Variants in POU2F2 observed in about 807,000 individuals in gnomAD.
POU2F2 encodes the protein POU domain, class 2, transcription factor 2.
POU2F2 carries 14 observed loss-of-function variants against 63.5 expected under a neutral mutation model. The ratio of observed to expected loss-of-function variants is 0.22; its 90% CI spans 0.15 to 0.34. The LOEUF is 0.34. Ranked by LOEUF, POU2F2 falls within the 10% of genes least tolerant of loss-of-function variation. The pLI, the probability that POU2F2 is intolerant of heterozygous loss-of-function variation, is 1.00. For missense variants in POU2F2, 607 were observed against 815.2 expected (o/e 0.74, Z 3.11); for synonymous variants, 306 against 348.6 (o/e 0.88, Z 1.36).
chr19:42,107,073 T>G (rs2030207414), intron 5 of POU2F2, among the ~76,000 whole-genome samples: 1 of 151,566 alleles, frequency 6.6e-6, no homozygotes, highest in African/African-American at 2.4e-5. Flanking sequence ...TTTGGCTGGG[T>G]GCGGTGGCTC....
chr19:42,120,841 T>A (rs968539743), intron 4 of POU2F2, among the ~76,000 whole-genome samples: 5 of 152,216 alleles, frequency 3.3e-5, no homozygotes, highest in African/African-American at 1.2e-4. Context: ...GGTGCTTTTT[T>A]AAAAAATTGA....
At chr19:42,154,520 G>T (rs993487900) in intron 2 of POU2F2, among the ~76,000 whole-genome samples, 1 of 152,056 alleles carries the variant, frequency 6.6e-6, no homozygotes, top group Non-Finnish European at 1.5e-5. Context: ...CCCAGTGATG[G>T]AGCCACACAG....
At position 42,099,543 on chromosome 19, in the gene POU2F2, G is replaced by A. The variant is rs1022024986; in HGVS notation, c.551C>T (p.Ala184Val). ...CAGTCTCACCTGTGTGGGAAGCCCG[G>A]CCCGGGGCTGGGAGGTCAGAAGAGC... ...QGALLTSQPR[A>V]GLPTQAVTRP... Residue 184 changes from alanine to valine, a missense_variant, in exon 7 of 15, where the codon GCC (alanine) becomes GTC (valine). This residue lies in a region of POU2F2 where 224 missense variants were observed against 264.3 expected (regional missense o/e 0.85). Coordinates refer to ENST00000692977, the MANE Select transcript of POU2F2 (RefSeq NM_001394376.1). 1.9e-5 allele frequency: 31 copies of A among 1,613,454 alleles called. No individual in the cohort carries two copies. Among genetic ancestry groups the A allele is most frequent in the Non-Finnish European group, 2.5e-5 (30 of 1,179,362 alleles).
At chr19:42,104,593 G>A (rs2077265090) in intron 5 of POU2F2, among the ~76,000 whole-genome samples, 2 of 152,106 alleles carry the variant, frequency 1.3e-5, no homozygotes. Flanking sequence ...GTCCTGTTGA[G>A]TGGAAAGCTC....
rs569945286 is a variant in POU2F2, at chr19:42,159,502, G to C, written c.-9+830C>G. On this transcript the variant is annotated intron_variant, in intron 2 of 6. Coordinates refer to the POU2F2 transcript ENST00000524801. ...GGTTAAGCTTCTCTGGTGGGAATAG[G>C]GGTGGCAGTAGAGGGCTGTCCCACC... 2.4e-3 allele frequency among the ~76,000 whole-genome samples: 370 copies of C among 152,194 alleles called. 1 individual carries two copies. The highest frequency in any genetic ancestry group is 8.6e-3 in the African/African-American group (358 of 41,512).
chr19:42,115,560 C>T (rs1229382273), intron 5 of POU2F2, among the ~76,000 whole-genome samples: 2 of 152,116 alleles, frequency 1.3e-5, no homozygotes, highest in African/African-American at 4.8e-5. Flanking sequence ...CTTATGAAAA[C>T]CAGACAGACA....
intron 5 of POU2F2, among the ~76,000 whole-genome samples, chr19:42,100,238 C>T (rs1317155900): frequency 6.6e-6 from 1 of 150,932 alleles, no homozygotes; most frequent in Non-Finnish European, 1.5e-5. Context: ...ACTACAGGTG[C>T]CCGCCACCAC....
intron 1 of POU2F2, among the ~76,000 whole-genome samples, chr19:42,189,951 C>G (rs2035058147): frequency 6.6e-6 from 1 of 152,166 alleles, no homozygotes; most frequent in Non-Finnish European, 1.5e-5. Context: ...TGGTCTTGAA[C>G]TCTTGGTTCA....
At chr19:42,174,709 G>A (rs983687576) in intron 1 of POU2F2, among the ~76,000 whole-genome samples, 5 of 151,898 alleles carry the variant, frequency 3.3e-5, no homozygotes, top group Admixed American at 6.6e-5. Flanking sequence ...GCATGCTGCC[G>A]TCATGGTCTG....
At chr19:42,187,748 C>T (rs186715986) in intron 1 of POU2F2, among the ~76,000 whole-genome samples, 3 of 130,628 alleles carry the variant, frequency 2.3e-5, no homozygotes, top group Non-Finnish European at 4.7e-5. Flanking sequence ...ACCGACAGAG[C>T]GAGACTCCAT....
intron 1 of POU2F2, 121 bp downstream of exon 1, chr19:42,132,263 T>C (rs1032489580): frequency 8.7e-7 from 1 of 1,149,572 alleles, no homozygotes; most frequent in Non-Finnish European, 1.2e-6. Context: ...AGGGAGTTGC[T>C]AGAGTACAGA....
chr19:42,093,754 C>T, intron 12 of POU2F2, 75 bp downstream of exon 12: 4 of 1,472,128 alleles, frequency 2.7e-6, no homozygotes, highest in Non-Finnish European at 3.7e-6. Context: ...ACACCCAGAG[C>T]CACTTGGGAA....
At chr19:42,165,193 T>C (rs2146792527) in intron 1 of POU2F2, among the ~76,000 whole-genome samples, 1 of 152,314 alleles carries the variant, frequency 6.6e-6, no homozygotes, top group South Asian at 2.1e-4. Flanking sequence ...TTGTCTTATG[T>C]CTTCCCTTAT....
intron 2 of POU2F2, among the ~76,000 whole-genome samples, chr19:42,159,619 C>T (rs1373440645): frequency 6.6e-6 from 1 of 152,140 alleles, no homozygotes; most frequent in African/African-American, 2.4e-5. Context: ...TGGCCAGAGC[C>T]CCTGCTTCCC....
intron 5 of POU2F2, among the ~76,000 whole-genome samples, chr19:42,111,540 C>G (rs553166495): frequency 1.9e-4 from 29 of 152,152 alleles, no homozygotes; most frequent in Non-Finnish European, 4.0e-4. Flanking sequence ...ACTCATCAAA[C>G]CCTAACATGT....
intron 1 of POU2F2, among the ~76,000 whole-genome samples, chr19:42,163,924 A>G (rs2034600108): frequency 6.6e-6 from 1 of 152,206 alleles, no homozygotes; most frequent in African/African-American, 2.4e-5. Context: ...ATACCATGAA[A>G]TAAAATCATT....
chr19:42,135,820 GCCT>G (rs1347670641), upstream of POU2F2, among the ~76,000 whole-genome samples: 2 of 149,788 alleles, frequency 1.3e-5, no homozygotes, highest in Non-Finnish European at 3.0e-5. Context: ...CGCATCTCAC[GCCT>G]CCTCAGCCTC....
At chr19:42,116,404 G>C (rs1439314312) in intron 5 of POU2F2, among the ~76,000 whole-genome samples, 1 of 152,084 alleles carries the variant, frequency 6.6e-6, no homozygotes, top group Non-Finnish European at 1.5e-5. Context: ...TGTATGTTGA[G>C]GACAACAATC....
chr19:42,181,121 G>T (rs1743861874), intron 1 of POU2F2, among the ~76,000 whole-genome samples: 1 of 152,194 alleles, frequency 6.6e-6, no homozygotes, highest in Admixed American at 6.5e-5. Context: ...ACTTACAAAA[G>T]TCAGATCCAA....
Sources: allele counts gnomAD v4.1 joint callset (sites outside exome capture counted in the v4.1 genomes callset), GRCh38; gene constraint gnomAD v4.1.1; regional missense constraint gnomAD v4.1.1; transcripts MANE v1.5; gene names NCBI Gene and HGNC (gene_info 2026-07-23, HGNC 2026-07-21).